Variants in MACROD2 observed in about 807,000 individuals in gnomAD.
MACROD2 encodes ADP-ribose glycohydrolase MACROD2.
Under a neutral mutation model 70.4 loss-of-function variants are expected in MACROD2, and 36 were observed. The observed-to-expected ratio is 0.51, with a 90% confidence interval of 0.39 to 0.68. The LOEUF (loss-of-function observed/expected upper bound fraction) is 0.68. Ranked by LOEUF, MACROD2 falls within the 30% of genes least tolerant of loss-of-function variation. The pLI, the probability that MACROD2 is intolerant of heterozygous loss-of-function variation, is 0.00. For missense variants in MACROD2, 496 were observed against 538.4 expected, an observed-to-expected ratio of 0.92 and a Z score of 0.78; for synonymous variants, 172 against 178.8, an observed-to-expected ratio of 0.96 and a Z score of 0.30.
At chr20:14,489,207 C>T (rs2084767138) in intron 3 of MACROD2, among the ~76,000 whole-genome samples, 1 of 152,216 alleles carries the variant, frequency 6.6e-6, no homozygotes, top group Non-Finnish European at 1.5e-5. Context: ...GGAAATTACA[C>T]CATTGCCCAA....
chr20:14,493,283 AAGT>A (rs1321215417), intron 3 of MACROD2, among the ~76,000 whole-genome samples, 193 bp from the exon 4 acceptor site: 1 of 152,012 alleles, frequency 6.6e-6, no homozygotes, highest in Non-Finnish European at 1.5e-5. Flanking sequence ...AAAAAGATAA[AAGT>A]AGTGAAATAT....
rs1178846767 is a variant in MACROD2 at position 15,636,071 on chromosome 20, C to CAAAAAAA, written c.645+136228_645+136229insAAAAAAA. ...TGGGCGACAGAGCGAGGCTCCCTCT[C>CAAAAAAA]AAAAGAAAAAAAAAAAAAAAAGAAA... On this transcript the variant is annotated intron_variant, in intron 8 of 17. Coordinates refer to ENST00000684519, the MANE Select transcript of MACROD2 (RefSeq NM_001351661.2). Among the ~76,000 whole-genome samples the CAAAAAAA allele has an allele frequency of 6.9e-3, 192 of 27,912 alleles. 17 individuals carry two copies. Among genetic ancestry groups the CAAAAAAA allele is most frequent in the South Asian group, 0.034 (18 of 522 alleles). 18.3% of individuals were successfully genotyped at this position (27,912 alleles called of 152,430 possible). A position where few individuals can be genotyped will look rare whatever the true frequency, so the allele number is the denominator to read the frequency against.
intron 5 of MACROD2, among the ~76,000 whole-genome samples, chr20:15,020,961 A>AATGTGTGTATACATATACAC (rs939095595): frequency 1.3e-5 from 2 of 149,970 alleles, no homozygotes; most frequent in East Asian, 4.0e-4. Flanking sequence ...ATATATATGT[A>AATGTGTGTATACATATACAC]ATGTGTGTAT....
chr20:14,997,419 C>T (rs956671752), intron 5 of MACROD2, among the ~76,000 whole-genome samples: 8 of 152,098 alleles, frequency 5.3e-5, no homozygotes, highest in Admixed American at 3.9e-4. Flanking sequence ...CCAGGTAGTA[C>T]TCTCCACAGG....
At chr20:15,640,217 T>A (rs989613442) in intron 8 of MACROD2, among the ~76,000 whole-genome samples, 2 of 151,496 alleles carry the variant, frequency 1.3e-5, no homozygotes, top group African/African-American at 4.9e-5. Flanking sequence ...GGAGAACACA[T>A]GCTAGAATAA....
At chr20:14,809,256 A>G (rs963703301) in intron 5 of MACROD2, among the ~76,000 whole-genome samples, 7 of 152,266 alleles carry the variant, frequency 4.6e-5, no homozygotes, top group Middle Eastern at 3.4e-3. Flanking sequence ...AGTGCAATCA[A>G]ATTAGAATTC....
chr20:15,427,518 A>G (rs2046314261), intron 6 of MACROD2, among the ~76,000 whole-genome samples: 2 of 93,642 alleles, frequency 2.1e-5, no homozygotes, highest in African/African-American at 1.0e-4. Context: ...GATGTTTATT[A>G]AGGAGTGCCC....
At chr20:15,174,990 G>T (rs1425676171) in intron 5 of MACROD2, among the ~76,000 whole-genome samples, 1 of 152,000 alleles carries the variant, frequency 6.6e-6, no homozygotes, top group African/African-American at 2.4e-5. Flanking sequence ...CTTTTGCTGT[G>T]CAGAAGCTCT....
At chr20:15,242,977 G>C (rs1313006497) in intron 6 of MACROD2, among the ~76,000 whole-genome samples, 1 of 152,192 alleles carries the variant, frequency 6.6e-6, no homozygotes, top group African/African-American at 2.4e-5. Flanking sequence ...GGAGCATCTG[G>C]TGACCCTACT....
At chr20:14,617,192 T>C (rs796732716) in intron 4 of MACROD2, among the ~76,000 whole-genome samples, 10 of 152,300 alleles carry the variant, frequency 6.6e-5, no homozygotes, top group African/African-American at 2.4e-4. Flanking sequence ...CAACTCACTC[T>C]TCTTGCTTGT....
intron 8 of MACROD2, among the ~76,000 whole-genome samples, chr20:15,669,086 A>G (rs962480270): frequency 6.6e-6 from 1 of 152,214 alleles, no homozygotes; most frequent in Non-Finnish European, 1.5e-5. Context: ...CCAACCTTTT[A>G]ACAAGTGAAA....
rs1978426269 is a variant in MACROD2, at chr20:14,548,513, T to G, written c.301+55005T>G. Among the ~76,000 whole-genome samples the G allele has an allele frequency of 1.2e-4, 2 of 16,310 alleles. 1 individual carries two copies. Among genetic ancestry groups the G allele is most frequent in the Non-Finnish European group, 3.3e-4 (2 of 6,030 alleles). 10.7% of individuals were successfully genotyped at this position (16,310 alleles called of 152,430 possible). The stretch of plus-strand genomic sequence containing the variant: ...GCGGGCGGATCACGAGGTCAGGAGA[T>G]CGAGACCATCCCGGCTAAAACGGTG... On this transcript the variant is annotated intron_variant, in intron 4 of 17. Coordinates refer to ENST00000684519, the MANE Select transcript of MACROD2 (RefSeq NM_001351661.2).
intron 5 of MACROD2, among the ~76,000 whole-genome samples, chr20:14,968,494 G>A (rs1349930689): frequency 6.6e-6 from 1 of 152,072 alleles, no homozygotes; most frequent in Non-Finnish European, 1.5e-5. Context: ...TGGGACTGGG[G>A]TGGTGTCCAG....
At chr20:14,056,028 T>G (rs1317601511) in intron 2 of MACROD2, among the ~76,000 whole-genome samples, 1 of 152,162 alleles carries the variant, frequency 6.6e-6, no homozygotes, top group East Asian at 1.9e-4. Context: ...AGATTGTAAA[T>G]GGGTAATATA....
intron 4 of MACROD2, among the ~76,000 whole-genome samples, chr20:14,606,867 C>A (rs575735517): frequency 6.6e-6 from 1 of 152,062 alleles, no homozygotes. Flanking sequence ...AATTTATTAA[C>A]TTAAAAATGC....
At chr20:15,470,072 CAG>C (rs1245295820) in intron 7 of MACROD2, among the ~76,000 whole-genome samples, 1 of 151,844 alleles carries the variant, frequency 6.6e-6, no homozygotes, top group African/African-American at 2.4e-5. Context: ...TTTTTTGAGA[CAG>C]AGTCTTGCTC....
chr20:14,862,922 A>T (rs551217362), intron 5 of MACROD2, among the ~76,000 whole-genome samples: 1 of 151,064 alleles, frequency 6.6e-6, no homozygotes, highest in African/African-American at 2.4e-5. Flanking sequence ...ACTTTTAGTT[A>T]AATAGTAATA....
At chr20:14,065,163 A>G (rs762932962) in intron 2 of MACROD2, among the ~76,000 whole-genome samples, 2 of 152,142 alleles carry the variant, frequency 1.3e-5, no homozygotes, top group Non-Finnish European at 2.9e-5. Flanking sequence ...AGAAAGCTAT[A>G]GACTTCCATT....
At chr20:14,095,112 C>T (rs913966244) in intron 3 of MACROD2, among the ~76,000 whole-genome samples, 2 of 152,154 alleles carry the variant, frequency 1.3e-5, no homozygotes, top group Non-Finnish European at 2.9e-5. Flanking sequence ...GAATGAGTGT[C>T]AGTACTATGG....
Sources: gnomAD v4.1 joint callset for allele counts (sites outside exome capture counted in the v4.1 genomes callset) on GRCh38, gnomAD v4.1.1 for gene constraint, MANE v1.5 for transcripts, NCBI Gene and HGNC (gene_info 2026-07-23, HGNC 2026-07-21) for gene names.